Variants in PI4KA observed in about 807,000 individuals in gnomAD.
PI4KA encodes the protein phosphatidylinositol 4-kinase alpha, also known as PI4-kinase alpha.
Under a neutral mutation model 271.4 loss-of-function variants are expected in PI4KA, and 122 were observed. The ratio of observed to expected loss-of-function variants is 0.45; its 90% CI spans 0.39 to 0.52. The LOEUF is 0.52. Among genes scored for constraint, PI4KA ranks in the 20% least tolerant of loss-of-function variants. The probability of loss-of-function intolerance (pLI) is 0.00; values close to 1 mark genes in which losing one functional copy is unlikely to be tolerated. For synonymous variants in PI4KA, 1,041 were observed against 1,078.8 expected (o/e 0.96, Z 0.69); for missense variants, 1,969 against 2,769.1 (o/e 0.71, Z 6.48).
At chr22:20,775,071 T>C (rs532912246) in intron 19 of PI4KA, among the ~76,000 whole-genome samples, 40 of 152,188 alleles carry the variant, frequency 2.6e-4, no homozygotes, top group Non-Finnish European at 5.3e-4. Flanking sequence ...GCCTGCTCTG[T>C]TGGGCCTGGA....
intron 23 of PI4KA, among the ~76,000 whole-genome samples, chr22:20,757,884 A>G (rs1425669742): frequency 6.6e-6 from 1 of 152,008 alleles, no homozygotes; most frequent in Non-Finnish European, 1.5e-5. Flanking sequence ...TTGTCTGAAT[A>G]ATGTGCTAGG....
intron 1 of PI4KA, among the ~76,000 whole-genome samples, chr22:20,854,129 T>C (rs147376413): frequency 3.3e-4 from 51 of 152,248 alleles, no homozygotes; most frequent in African/African-American, 1.2e-3. Context: ...AAAGTAATTT[T>C]GTTTTTTTTG....
chr22:20,841,112 T>G (rs1013950407), intron 1 of PI4KA, among the ~76,000 whole-genome samples: 2 of 152,042 alleles, frequency 1.3e-5, no homozygotes, highest in African/African-American at 2.4e-5. Flanking sequence ...ACTCCTTATC[T>G]CAGGTGATAC....
chr22:20,836,889 A>G (rs1207295444), intron 2 of PI4KA, among the ~76,000 whole-genome samples: 1 of 152,236 alleles, frequency 6.6e-6, no homozygotes, highest in Non-Finnish European at 1.5e-5. Context: ...GAAGTCTAAT[A>G]CAAGTACAAC....
intron 14 of PI4KA, 131 bp from the exon 15 acceptor site, chr22:20,799,897 G>A: frequency 1.6e-6 from 1 of 608,968 alleles, no homozygotes; most frequent in Non-Finnish European, 2.9e-6. Flanking sequence ...CCAAATTGGA[G>A]GTCATAACAC....
rs1046182193 is a variant in PI4KA, at chr22:20,751,618, CG to C, written c.3069+55del. Reference sequence around the variant, plus strand: ...CACAACACAGGGCGGACAGGGCCGGCGGGGTGGTGGTAGAGCGGGTGGTGTT... The same window carrying C: ...CACAACACAGGGCGGACAGGGCCGGCGGGTGGTGGTAGAGCGGGTGGTGTT... On this transcript the variant is annotated intron_variant, in intron 26 of 54. Transcript: ENST00000255882. 414 of 1,406,130 alleles carry C rather than the reference CG, an allele frequency of 2.9e-4. 1 individual carries two copies. Among genetic ancestry groups the C allele is most frequent in the Non-Finnish European group, 4.0e-4 (393 of 990,438 alleles). The allele number at this position is 1,406,130 out of a possible 1,614,324, so 87.1% of individuals were successfully genotyped here.
chr22:20,764,124 C>G (rs933921718), intron 22 of PI4KA, among the ~76,000 whole-genome samples: 2 of 152,318 alleles, frequency 1.3e-5, no homozygotes, highest in African/African-American at 4.8e-5. Context: ...TTCTTGACAA[C>G]AGGAATCATC....
At chr22:20,750,060 G>A in intron 27 of PI4KA, 66 bp from the exon 28 acceptor site, 1 of 1,020,990 alleles carries the variant, frequency 9.8e-7, no homozygotes, top group Non-Finnish European at 1.6e-6. Context: ...CGTAGTGACT[G>A]TCATGGGCTG....
intron 23 of PI4KA, among the ~76,000 whole-genome samples, chr22:20,754,724 T>G (rs1038603899): frequency 6.6e-6 from 1 of 151,984 alleles, no homozygotes; most frequent in African/African-American, 2.4e-5. Context: ...CCGAGGTGGG[T>G]GGATCACGAG....
At chr22:20,762,317 C>A (rs1452499786) in intron 22 of PI4KA, among the ~76,000 whole-genome samples, 1 of 152,180 alleles carries the variant, frequency 6.6e-6, no homozygotes, top group Non-Finnish European at 1.5e-5. Context: ...CGTGCACACA[C>A]CTTTAACTTG....
intron 14 of PI4KA, among the ~76,000 whole-genome samples, chr22:20,800,748 C>T (rs1041709741): frequency 1.3e-4 from 19 of 149,784 alleles, no homozygotes; most frequent in African/African-American, 4.4e-4. Context: ...GTGGCGGGCA[C>T]CTGTAGTCCC....
intron 26 of PI4KA, 63 bp downstream of exon 26, chr22:20,751,611 G>C (rs1037091786): frequency 3.7e-6 from 5 of 1,357,582 alleles, no homozygotes; most frequent in East Asian, 2.3e-5. Context: ...AGGGCGGACA[G>C]GGCCGGCGGG....
intron 19 of PI4KA, chr22:20,786,851 C>G (rs1370040519): frequency 1.2e-6 from 2 of 1,613,542 alleles, no homozygotes; most frequent in Non-Finnish European, 1.7e-6. Flanking sequence ...CCTCCAGAAT[C>G]TGACAACTTT....
chr22:20,798,402 A>G, intron 17 of PI4KA, 182 bp downstream of exon 17: 1 of 585,460 alleles, frequency 1.7e-6, no homozygotes, highest in East Asian at 2.9e-5. Flanking sequence ...TGAGATGCTC[A>G]GTGGTCACCT....
At chr22:20,771,831 C>CT (rs1184687561) in intron 19 of PI4KA, among the ~76,000 whole-genome samples, 1 of 152,114 alleles carries the variant, frequency 6.6e-6, no homozygotes, top group Non-Finnish European at 1.5e-5. Flanking sequence ...ATCCACCCGC[C>CT]TTGGCCTCTC....
In PI4KA at chr22:20,826,200, G is replaced by A. The variant is rs146132285; in HGVS notation, c.368-1786C>T. 7.6e-3 allele frequency among the ~76,000 whole-genome samples: 1,156 copies of A among 152,166 alleles called. 11 individuals carry two copies. The highest frequency in any genetic ancestry group is 0.056 in the East Asian group (287 of 5,162). On this transcript the variant is annotated intron_variant, in intron 3 of 54. Transcript: ENST00000255882. ...TCCACTATAAATATAAAAATTAGCC[G>A]GGTGTAGTGGCACATGCCTATAATC...
At chr22:20,742,141 A>C in intron 32 of PI4KA, 87 bp downstream of exon 32, 1 of 1,426,218 alleles carries the variant, frequency 7.0e-7, no homozygotes, top group Non-Finnish European at 9.6e-7. Context: ...CAGTGTCTCC[A>C]TGCTTGGTGG....
intron 1 of PI4KA, among the ~76,000 whole-genome samples, chr22:20,849,671 G>A (rs777688507): frequency 2.0e-5 from 3 of 151,956 alleles, no homozygotes; most frequent in African/African-American, 4.8e-5. Flanking sequence ...CGGCTAACAC[G>A]ATGAAACCCT....
At chr22:20,778,593 A>G (rs1457091767) in intron 19 of PI4KA, among the ~76,000 whole-genome samples, 1 of 152,216 alleles carries the variant, frequency 6.6e-6, no homozygotes, top group Non-Finnish European at 1.5e-5. Flanking sequence ...AATTTCAAGT[A>G]TCTTTAGAAT....
Sources: gnomAD v4.1 joint callset for allele counts (sites outside exome capture counted in the v4.1 genomes callset) on GRCh38, gnomAD v4.1.1 for gene constraint, MANE v1.5 for transcripts, NCBI Gene and HGNC (gene_info 2026-07-23, HGNC 2026-07-21) for gene names.